Variants in CD99 observed in about 807,000 individuals in gnomAD.
The protein encoded by CD99 is CD99 antigen.
A neutral mutation model predicts 28.4 loss-of-function variants in CD99; 19 were observed. The ratio of observed to expected loss-of-function variants is 0.67; its 90% CI spans 0.47 to 0.98. CD99 has a LOEUF of 0.98. Among genes scored for constraint, CD99 ranks in the 50% least tolerant of loss-of-function variants. The pLI, the probability that CD99 is intolerant of heterozygous loss-of-function variation, is 0.00. For synonymous variants in CD99, 103 were observed against 92.1 expected (o/e 1.12, Z -0.67); for missense variants, 283 against 248.8 (o/e 1.14, Z -0.92).
intron 8 of CD99, among the ~76,000 whole-genome samples, chrX:2,729,942 C>T (rs2049503681): frequency 6.6e-6 from 1 of 152,080 alleles, no homozygotes; most frequent in Admixed American, 6.5e-5. Context: ...TGCTTGAGCC[C>T]AGGAGTTCAA....
intron 2 of CD99, among the ~76,000 whole-genome samples, chrX:2,716,937 T>C (rs1275486140): frequency 6.6e-6 from 1 of 152,160 alleles, no homozygotes; most frequent in Non-Finnish European, 1.5e-5. Flanking sequence ...ATCAATCCGG[T>C]GTCTCTCCTT....
chrX:2,734,637 A>T (rs1337019552), intron 8 of CD99, among the ~76,000 whole-genome samples: 428 of 113,922 alleles, frequency 3.8e-3, no homozygotes, highest in East Asian at 4.5e-3. Flanking sequence ...TTTTTCTCTT[A>T]TTTCTTTTTT....
chrX:2,722,677 A>G lies in CD99; in HGVS notation c.310+3A>G, dbSNP rs761193403. The G allele has an allele frequency of 1.2e-6, 2 of 1,613,858 alleles. No homozygotes were observed. Among genetic ancestry groups the G allele is most frequent in the Admixed American group, 3.3e-5 (2 of 60,010 alleles). On this transcript the variant is annotated splice_donor_region_variant and intron_variant, in intron 6 of 9. Coordinates refer to ENST00000381192, the MANE Select transcript of CD99 (RefSeq NM_002414.5). ...GGATGGCGTTTCAGGTGGAGAAGGT[A>G]CAGTTATCTTGTTTTCTGTCTCTTT...
intron 4 of CD99, among the ~76,000 whole-genome samples, chrX:2,719,987 C>T (rs998506889): frequency 2.0e-5 from 3 of 152,182 alleles, no homozygotes; most frequent in African/African-American, 7.2e-5. Context: ...GTGACCTGTG[C>T]AGTGGCACAG....
At chrX:2,734,045 A>G (rs941348803) in intron 8 of CD99, among the ~76,000 whole-genome samples, 4 of 152,182 alleles carry the variant, frequency 2.6e-5, no homozygotes, top group Non-Finnish European at 1.5e-5. Context: ...CTATTCACAC[A>G]TTTGAGCACG....
intron 1 of CD99, among the ~76,000 whole-genome samples, chrX:2,693,609 A>G (rs2047435170): frequency 6.6e-6 from 1 of 152,154 alleles, no homozygotes; most frequent in African/African-American, 2.4e-5. Context: ...TCAGGCTGCA[A>G]AACCCCGTTG....
intron 8 of CD99, among the ~76,000 whole-genome samples, chrX:2,728,474 G>A (rs1168733321): frequency 1.3e-5 from 2 of 152,100 alleles, no homozygotes; most frequent in African/African-American, 4.8e-5. Flanking sequence ...GGGATTGCAG[G>A]CGTGAGCCAC....
At chrX:2,723,543 ACCAGCCCTGCT>A in intron 7 of CD99, 179 bp downstream of exon 7, 1 of 699,570 alleles carries the variant, frequency 1.4e-6, no homozygotes, top group South Asian at 1.7e-5. Context: ...CCCCCAGCAA[ACCAGCCCTGCT>A]CCGGGTGCCC....
chrX:2,718,929 A>G (rs1421527609), intron 3 of CD99: 1 of 152,176 alleles, frequency 6.6e-6, no homozygotes, highest in Non-Finnish European at 1.5e-5. Flanking sequence ...CAGATCCTTG[A>G]ACTAAGCAAT....
At chrX:2,712,436 C>G (rs1210867694) in intron 1 of CD99, among the ~76,000 whole-genome samples, 1 of 151,906 alleles carries the variant, frequency 6.6e-6, no homozygotes. Context: ...AAAAATACTT[C>G]AAAAAATACA....
At chrX:2,725,899 C>A (rs965358982) in intron 7 of CD99, among the ~76,000 whole-genome samples, 6 of 152,184 alleles carry the variant, frequency 3.9e-5, no homozygotes, top group African/African-American at 1.4e-4. Flanking sequence ...AGGCGTGAGC[C>A]ACCACGCCCA....
intron 2 of CD99, 93 bp from the exon 3 acceptor site, chrX:2,717,510 GTT>G: frequency 9.7e-7 from 1 of 1,026,026 alleles, no homozygotes; most frequent in Non-Finnish European, 1.5e-6. Context: ...TTCTCCGACT[GTT>G]TCCAAGAAAA....
At position 2,691,425 on chromosome X, in the gene CD99, C is replaced by T; in HGVS notation, c.65C>T (p.Pro22Leu). Reference protein sequence around the residue: ...FGLLGVLVAAPDGGFDLSDAL... With the variant: ...FGLLGVLVAALDGGFDLSDAL... ...CTGCTGGGTGTTCTGGTCGCCGCCC[C>T]GGGTGAGCGAGCGGAGGGATCCGGG... The change falls in exon 1 of 10, where the codon CCG (proline) becomes CTG (leucine). Residue 22 changes from proline to leucine, a missense_variant and splice_region_variant. Pro to Leu is a moderately conservative substitution (Grantham distance 98, BLOSUM62 -3). Transcript: ENST00000381192. 2 of 1,583,076 alleles carry T rather than the reference C, an allele frequency of 1.3e-6. No homozygotes were observed. Among genetic ancestry groups the T allele is most frequent in the African/African-American group, 1.4e-5 (1 of 73,658 alleles).
chrX:2,723,787 C>G (rs2049126305), intron 7 of CD99, among the ~76,000 whole-genome samples: 1 of 152,196 alleles, frequency 6.6e-6, no homozygotes, highest in Non-Finnish European at 1.5e-5. Context: ...CTGGCTGTAA[C>G]AGGCATTGTG....
intron 8 of CD99, among the ~76,000 whole-genome samples, chrX:2,733,015 T>C (rs2049748704): frequency 1.4e-5 from 2 of 140,056 alleles, no homozygotes; most frequent in Admixed American, 7.2e-5. Flanking sequence ...CCTCCATACC[T>C]CCCTGCTTCC....
At chrX:2,714,135 C>T (rs1477381588) in intron 1 of CD99, among the ~76,000 whole-genome samples, 4 of 152,100 alleles carry the variant, frequency 2.6e-5, no homozygotes, top group Admixed American at 1.3e-4. Flanking sequence ...TTGAAAGGAA[C>T]GACCTGTTAA....
chrX:2,691,334 A>G lies in CD99; in HGVS notation c.-27A>G. On this transcript the variant is annotated 5_prime_UTR_variant, in exon 1 of 10. Coordinates refer to ENST00000381192, the MANE Select transcript of CD99 (RefSeq NM_002414.5). ...CTTCGCCCACGCCCTGCACTCCGGG[A>G]CCGTCCCTGCGCGCTCTGGGCGCAC... is the stretch of plus-strand genomic sequence containing the variant. 1 of 1,537,400 alleles carries G rather than the reference A, an allele frequency of 6.5e-7. No homozygotes were observed. Among genetic ancestry groups the G allele is most frequent in the Non-Finnish European group, 8.7e-7 (1 of 1,151,692 alleles).
chrX:2,714,193 T>C (rs1461400437), intron 1 of CD99, among the ~76,000 whole-genome samples: 1 of 152,206 alleles, frequency 6.6e-6, no homozygotes, highest in Non-Finnish European at 1.5e-5. Context: ...TAATTTCTAC[T>C]AAGCTTGAAG....
At chrX:2,711,449 A>G (rs2048407612) in intron 1 of CD99, among the ~76,000 whole-genome samples, 1 of 150,898 alleles carries the variant, frequency 6.6e-6, no homozygotes, top group South Asian at 2.1e-4. Flanking sequence ...GTGTATATAT[A>G]TATATGTTTA....
Sources: gnomAD v4.1 joint callset for allele counts (sites outside exome capture counted in the v4.1 genomes callset) on GRCh38, gnomAD v4.1.1 for gene constraint, MANE v1.5 for transcripts, NCBI Gene and HGNC (gene_info 2026-07-23, HGNC 2026-07-21) for gene names.